Variants in ARFIP1 observed in about 807,000 individuals in gnomAD.
The protein encoded by ARFIP1 is ARF interacting protein 1.
In ARFIP1, 24 loss-of-function variants were observed where a neutral mutation model predicts 42.5. The observed-to-expected ratio is 0.57, with a 90% CI of 0.41 to 0.80. The LOEUF (loss-of-function observed/expected upper bound fraction) is 0.80, where lower values mean the gene tolerates loss of function less well. ARFIP1 is among the 30% of genes least tolerant of loss of function. The probability of loss-of-function intolerance (pLI) is 0.00; values close to 1 mark genes in which losing one functional copy is unlikely to be tolerated. For missense variants in ARFIP1, 354 were observed against 434.0 expected, an observed-to-expected ratio of 0.82 and a Z score of 1.64; for synonymous variants, 141 against 153.7, an observed-to-expected ratio of 0.92 and a Z score of 0.61.
chr4:152,874,059 G>A (rs1735117549), intron 5 of ARFIP1, among the ~76,000 whole-genome samples: 1 of 152,102 alleles, frequency 6.6e-6, no homozygotes, highest in African/African-American at 2.4e-5. Context: ...GCAAGTTTAA[G>A]CTTTTTGTTC....
intron 1 of ARFIP1, among the ~76,000 whole-genome samples, chr4:152,807,796 T>C (rs1257544655): frequency 6.6e-6 from 1 of 152,130 alleles, no homozygotes; most frequent in Non-Finnish European, 1.5e-5. Flanking sequence ...TCTTTTCTTG[T>C]TTTTGCTTTT....
chr4:152,876,810 C>T (rs1305435897), intron 5 of ARFIP1, among the ~76,000 whole-genome samples: 1 of 152,196 alleles, frequency 6.6e-6, no homozygotes, highest in Non-Finnish European at 1.5e-5. Context: ...TGCCCTGTGT[C>T]CTAGCCGCTC....
At chr4:152,903,841 T>G (rs1738055641) in intron 8 of ARFIP1, among the ~76,000 whole-genome samples, 1 of 151,868 alleles carries the variant, frequency 6.6e-6, no homozygotes, top group South Asian at 2.1e-4. Context: ...AGTCAGCTAC[T>G]TGGGGGTGGG....
intron 1 of ARFIP1, among the ~76,000 whole-genome samples, chr4:152,790,879 C>T (rs1260262061): frequency 1.1e-4 from 16 of 151,394 alleles, no homozygotes; most frequent in African/African-American, 2.4e-4. Context: ...ACCCCAGGTG[C>T]GTGCCACCAT....
intron 8 of ARFIP1, among the ~76,000 whole-genome samples, chr4:152,893,545 A>G (rs1737046713): frequency 1.3e-5 from 2 of 152,164 alleles, no homozygotes; most frequent in African/African-American, 2.4e-5. Flanking sequence ...ATATATTGGG[A>G]GTGGGATCTG....
chr4:152,852,702 TAA>T (rs1235510502), intron 2 of ARFIP1, among the ~76,000 whole-genome samples: 8 of 152,164 alleles, frequency 5.3e-5, no homozygotes, highest in African/African-American at 1.9e-4. Context: ...TGAGGCTATA[TAA>T]TATTACTTAG....
intron 1 of ARFIP1, among the ~76,000 whole-genome samples, chr4:152,784,203 C>T (rs536205399): frequency 2.0e-5 from 3 of 152,146 alleles, no homozygotes; most frequent in Admixed American, 2.0e-4. Flanking sequence ...ATCTAAAAGT[C>T]AGATATGTAG....
At chr4:152,818,676 G>GT (rs1393515778) in intron 1 of ARFIP1, among the ~76,000 whole-genome samples, 3 of 152,202 alleles carry the variant, frequency 2.0e-5, no homozygotes, top group African/African-American at 7.2e-5. Flanking sequence ...TGGGAATGGT[G>GT]TTTCTCGGAA....
chr4:152,870,938 C>A, intron 4 of ARFIP1, 90 bp downstream of exon 4: 2 of 1,104,382 alleles, frequency 1.8e-6, no homozygotes, highest in Non-Finnish European at 2.6e-6. Flanking sequence ...GCTTTATATT[C>A]TTAGGTGTGT....
At chr4:152,839,216 C>T (rs1731876486) in intron 2 of ARFIP1, among the ~76,000 whole-genome samples, 1 of 152,098 alleles carries the variant, frequency 6.6e-6, no homozygotes, top group African/African-American at 2.4e-5. Context: ...CATCAATGTT[C>T]ATCAAGGTAT....
At position 152,788,776 on chromosome 4, in the gene ARFIP1, A is replaced by C. The variant is rs988660071; in HGVS notation, c.-10+8550A>C. ...AATTATTAAAGTCCATATTTTATTC[A>C]GATTACCTCACTTTTCCCCAATGTC... On this transcript the variant is annotated intron_variant, in intron 1 of 8. Transcript: ENST00000353617. Among the ~76,000 whole-genome samples, 5 of 151,206 alleles carry C rather than the reference A, an allele frequency of 3.3e-5. No homozygotes were observed. The East Asian group carries it at 9.7e-4, about 29-fold the overall frequency.
intron 1 of ARFIP1, among the ~76,000 whole-genome samples, chr4:152,827,249 A>C (rs1489921700): frequency 1.3e-5 from 2 of 152,232 alleles, no homozygotes; most frequent in Non-Finnish European, 2.9e-5. Context: ...AGATTTAGAC[A>C]GCATTATTAC....
chr4:152,877,425 G>C (rs1312393923), intron 5 of ARFIP1, among the ~76,000 whole-genome samples: 2 of 152,100 alleles, frequency 1.3e-5, no homozygotes, highest in Admixed American at 6.5e-5. Flanking sequence ...CTCCCATTTG[G>C]AATGGCTATA....
At chr4:152,900,390 C>T (rs147149019) in intron 8 of ARFIP1, among the ~76,000 whole-genome samples, 41 of 152,162 alleles carry the variant, frequency 2.7e-4, no homozygotes, top group Non-Finnish European at 5.6e-4. Flanking sequence ...CAGAACTCTG[C>T]CTTTTGTTTT....
intron 1 of ARFIP1, among the ~76,000 whole-genome samples, chr4:152,827,865 G>A (rs137905673): frequency 1.3e-5 from 2 of 152,132 alleles, no homozygotes; most frequent in East Asian, 1.9e-4. Flanking sequence ...TTGTAGAGAC[G>A]GGTTTCGCTA....
chr4:152,888,594 T>C (rs775671360), intron 8 of ARFIP1, among the ~76,000 whole-genome samples: 8 of 152,160 alleles, frequency 5.3e-5, no homozygotes, highest in Non-Finnish European at 1.0e-4. Context: ...GCTTTAAAAA[T>C]TGAAATAATG....
chr4:152,896,268 G>A (rs527544908), intron 8 of ARFIP1, among the ~76,000 whole-genome samples: 2 of 152,116 alleles, frequency 1.3e-5, no homozygotes, highest in African/African-American at 4.8e-5. Context: ...GTAGTTTAGG[G>A]CCTACACAAA....
intron 3 of ARFIP1, among the ~76,000 whole-genome samples, chr4:152,865,858 A>G (rs1383253592): frequency 1.3e-5 from 2 of 152,100 alleles, no homozygotes; most frequent in East Asian, 1.9e-4. Context: ...TAATTTTACT[A>G]TTAAGATATT....
At chr4:152,819,039 C>G (rs1021295569) in intron 1 of ARFIP1, among the ~76,000 whole-genome samples, 1 of 152,180 alleles carries the variant, frequency 6.6e-6, no homozygotes, top group Non-Finnish European at 1.5e-5. Context: ...TTCACTTGCC[C>G]TGGTCGTGTA....
Sources: allele counts gnomAD v4.1 joint callset (sites outside exome capture counted in the v4.1 genomes callset), GRCh38; gene constraint gnomAD v4.1.1; transcripts MANE v1.5; gene names NCBI Gene and HGNC (gene_info 2026-07-23, HGNC 2026-07-21).